CDC14A: variants seen among roughly 807,000 people sequenced by gnomAD.
CDC14A encodes cell division cycle 14A, also known as dual specificity protein phosphatase CDC14A.
A neutral mutation model predicts 74.4 loss-of-function variants in CDC14A; 53 were observed. That is an observed-to-expected ratio of 0.71 (90% CI 0.57 to 0.89). The LOEUF (loss-of-function observed/expected upper bound fraction) is 0.89, where lower values mean the gene tolerates loss of function less well. Among genes scored for constraint, CDC14A ranks in the 40% least tolerant of loss-of-function variants. The probability of loss-of-function intolerance (pLI) is 0.00; values close to 1 mark genes in which losing one functional copy is unlikely to be tolerated. For missense variants in CDC14A, 646 were observed against 713.7 expected, an observed-to-expected ratio of 0.91 and a Z score of 1.08; for synonymous variants, 247 against 258.4, an observed-to-expected ratio of 0.96 and a Z score of 0.43.
intron 10 of CDC14A, among the ~76,000 whole-genome samples, chr1:100,475,438 G>A (rs953635793): frequency 1.3e-5 from 2 of 152,180 alleles, no homozygotes; most frequent in Admixed American, 6.5e-5. Flanking sequence ...CAATGTCAAT[G>A]TGAGAAAATG....
intron 2 of CDC14A, among the ~76,000 whole-genome samples, chr1:100,358,016 T>C (rs1383374482): frequency 6.6e-6 from 1 of 152,208 alleles, no homozygotes; most frequent in Non-Finnish European, 1.5e-5. Flanking sequence ...AATTATCTGC[T>C]TGATTTTTTA....
chr1:100,455,337 A>G, intron 7 of CDC14A, 68 bp from the exon 8 acceptor site: 1 of 1,014,938 alleles, frequency 9.9e-7, no homozygotes, highest in Non-Finnish European at 1.5e-6. Flanking sequence ...TTTTATTTGT[A>G]AGGGTTTCCT....
Position 100,352,586 on chromosome 1 carries a change from T to G in CDC14A, c.-369T>G. Reference sequence around the variant, plus strand: ...CCACGGGCGCGATCGGGACCAGAAGTCTCCTCCTCCATGATCACTTTGGAA... The same window carrying G: ...CCACGGGCGCGATCGGGACCAGAAGGCTCCTCCTCCATGATCACTTTGGAA... On this transcript the variant is annotated 5_prime_UTR_variant, in exon 1 of 16. Coordinates refer to ENST00000336454, the MANE Select transcript of CDC14A (RefSeq NM_003672.4). 1.8e-6 allele frequency: 2 copies of G among 1,087,822 alleles called. No individual in the cohort carries two copies. Among genetic ancestry groups the G allele is most frequent in the Non-Finnish European group, 2.2e-6 (2 of 895,078 alleles). The allele number at this position is 1,087,822 out of a possible 1,614,324, so 67.4% of individuals were successfully genotyped here.
chr1:100,384,449 A>C (rs959509040), intron 3 of CDC14A, among the ~76,000 whole-genome samples: 2 of 152,164 alleles, frequency 1.3e-5, no homozygotes, highest in Non-Finnish European at 2.9e-5. Flanking sequence ...GTGTGCTGTA[A>C]ATGCATCCTA....
chr1:100,410,553 C>T (rs945299402), intron 4 of CDC14A, among the ~76,000 whole-genome samples: 2 of 152,262 alleles, frequency 1.3e-5, no homozygotes, highest in Admixed American at 6.5e-5. Context: ...CTCCTGACCT[C>T]GTGATTGCCT....
At chr1:100,505,057 C>G in intron 15 of CDC14A, 1 of 983,828 alleles carries the variant, frequency 1.0e-6, no homozygotes, top group Admixed American at 3.2e-5. Flanking sequence ...CAAATTTAAA[C>G]TTCTTTTGCA....
chr1:100,407,543 A>G (rs1660115081), intron 4 of CDC14A, among the ~76,000 whole-genome samples: 1 of 152,136 alleles, frequency 6.6e-6, no homozygotes, highest in Non-Finnish European at 1.5e-5. Flanking sequence ...ATTTTTGCAC[A>G]TTGATTTTGT....
At chr1:100,372,914 T>G (rs1654680918) in intron 2 of CDC14A, among the ~76,000 whole-genome samples, 1 of 152,248 alleles carries the variant, frequency 6.6e-6, no homozygotes, top group Admixed American at 6.5e-5. Context: ...GGGAATGCTG[T>G]GGCTGGTTTC....
In CDC14A at chr1:100,377,461, T is replaced by A. The variant is rs1655431700; in HGVS notation, c.141-85T>A. 8.1e-6 allele frequency: 7 copies of A among 860,946 alleles called. No homozygotes were observed. In the Admixed American group the frequency reaches 1.3e-4, roughly 16 times the overall value. The allele number at this position is 860,946 out of a possible 1,614,324, so 53.3% of individuals were successfully genotyped here. A position where few individuals can be genotyped will look rare whatever the true frequency, so the allele number is the denominator to read the frequency against. ...AGATAATTGAAATTTGATTGTAAAT[T>A]TAATGAAATTAAAGATGAACATTGA... On this transcript the variant is annotated intron_variant, in intron 2 of 15. Transcript: ENST00000336454.
At chr1:100,436,925 C>T (rs1317979936) in intron 5 of CDC14A, among the ~76,000 whole-genome samples, 1 of 152,194 alleles carries the variant, frequency 6.6e-6, no homozygotes, top group African/African-American at 2.4e-5. Context: ...GTGGCTTACA[C>T]CTGTAATCCT....
chr1:100,485,035 A>G (rs1669887284), intron 11 of CDC14A: 14 of 985,290 alleles, frequency 1.4e-5, no homozygotes, highest in African/African-American at 1.7e-5. Context: ...AGTGTCAAAC[A>G]TGGTTCAATC....
chr1:100,373,341 A>T (rs1263060726), intron 2 of CDC14A, among the ~76,000 whole-genome samples: 1 of 152,230 alleles, frequency 6.6e-6, no homozygotes, highest in Non-Finnish European at 1.5e-5. Flanking sequence ...TTGCTATCTT[A>T]TTTGGGTACA....
intron 15 of CDC14A, among the ~76,000 whole-genome samples, chr1:100,506,784 T>A (rs1269514792): frequency 1.2e-4 from 18 of 152,214 alleles, no homozygotes; most frequent in Admixed American, 1.2e-3. Context: ...TCTTATGTAG[T>A]GTCAATAATA....
chr1:100,499,504 C>G, intron 15 of CDC14A: 1 of 1,302,750 alleles, frequency 7.7e-7, no homozygotes, highest in Non-Finnish European at 1.0e-6. Context: ...CCCCCAACTC[C>G]TTTTTAAGTA....
At chr1:100,496,083 G>A (rs765572530) in intron 13 of CDC14A, 34 bp downstream of exon 13, 2 of 1,547,588 alleles carry the variant, frequency 1.3e-6, no homozygotes, top group Admixed American at 1.7e-5. Context: ...CTAGTAGCTT[G>A]TAAATATATG....
chr1:100,453,997 G>C (rs7524116), intron 7 of CDC14A, among the ~76,000 whole-genome samples: 1 of 151,934 alleles, frequency 6.6e-6, no homozygotes, highest in Non-Finnish European at 1.5e-5. Flanking sequence ...TTTATAAGAT[G>C]GTATGCACAG....
intron 4 of CDC14A, chr1:100,393,362 C>G: frequency 2.2e-6 from 2 of 899,780 alleles, no homozygotes; most frequent in Non-Finnish European, 1.9e-6. Flanking sequence ...CTGCTTGATG[C>G]TCTAACTAGG....
chr1:100,393,457 T>C (rs956798627), intron 4 of CDC14A: 3 of 775,522 alleles, frequency 3.9e-6, no homozygotes, highest in Admixed American at 1.7e-5. Context: ...TATCGTTTCA[T>C]ACTGAGCAAT....
chr1:100,380,894 T>G (rs1305182830), intron 3 of CDC14A, among the ~76,000 whole-genome samples: 2 of 152,230 alleles, frequency 1.3e-5, no homozygotes, highest in Admixed American at 6.5e-5. Flanking sequence ...TCTGGCTTGA[T>G]AGCTCTTCAT....
Sources: allele counts gnomAD v4.1 joint callset (sites outside exome capture counted in the v4.1 genomes callset), GRCh38; gene constraint gnomAD v4.1.1; transcripts MANE v1.5; gene names NCBI Gene and HGNC (gene_info 2026-07-23, HGNC 2026-07-21).